Variants in PRKCH observed in about 807,000 individuals in gnomAD.
PRKCH encodes the protein protein kinase C eta, also known as protein kinase C eta type.
A neutral mutation model predicts 82.5 loss-of-function variants in PRKCH; 28 were observed. That is an observed-to-expected ratio of 0.34 (90% CI 0.25 to 0.47). The LOEUF (loss-of-function observed/expected upper bound fraction) is 0.47. PRKCH is among the 20% of genes least tolerant of loss of function. The pLI is 1.00. For synonymous variants in PRKCH, 322 were observed against 327.4 expected (o/e 0.98, Z 0.18); for missense variants, 705 against 881.8 (o/e 0.80, Z 2.54).
At chr14:61,276,143 A>C (rs2045199499) in intron 1 of PRKCH, among the ~76,000 whole-genome samples, 1 of 152,154 alleles carries the variant, frequency 6.6e-6, no homozygotes, top group Non-Finnish European at 1.5e-5. Flanking sequence ...AATGTACTTC[A>C]GGTTCATGAA....
rs75170890 is a variant in PRKCH, at chr14:61,445,067, C to G, written c.579-625C>G. Among the ~76,000 whole-genome samples the G allele has an allele frequency of 2.2e-3, 330 of 152,328 alleles. 6 individuals carry two copies. The highest frequency in any genetic ancestry group is 0.015 in the Admixed American group (233 of 15,296). On this transcript the variant is annotated intron_variant, in intron 3 of 13. Coordinates refer to ENST00000332981, the MANE Select transcript of PRKCH (RefSeq NM_006255.5). ...TGCTTGGTTCAGTGCCTGGCACATC[C>G]TATGGGCTTAGTTACTGTGGTCTTT...
chr14:61,417,814 A>G (rs888748460), intron 2 of PRKCH, among the ~76,000 whole-genome samples: 8 of 152,234 alleles, frequency 5.3e-5, no homozygotes, highest in Admixed American at 5.2e-4. Flanking sequence ...TTAACAGTCT[A>G]AATGAAAACA....
chr14:61,352,817 G>A (rs1259415028), intron 1 of PRKCH, among the ~76,000 whole-genome samples: 1 of 152,312 alleles, frequency 6.6e-6, no homozygotes, highest in East Asian at 1.9e-4. Context: ...TTTCTGAAAT[G>A]AGAATGATAA....
intron 1 of PRKCH, among the ~76,000 whole-genome samples, chr14:61,379,149 A>G (rs1051414529): frequency 1.3e-5 from 2 of 152,058 alleles, no homozygotes; most frequent in Non-Finnish European, 2.9e-5. Flanking sequence ...ACATTTGATC[A>G]TCTGTAACCC....
At chr14:61,199,420 G>A (rs537769552) in intron 1 of PRKCH, among the ~76,000 whole-genome samples, 2 of 152,328 alleles carry the variant, frequency 1.3e-5, no homozygotes, top group East Asian at 3.9e-4. Flanking sequence ...ATTCTAAAAT[G>A]AAGTGCCCTC....
intron 6 of PRKCH, 45 bp from the exon 7 acceptor site, chr14:61,453,181 T>C (rs373951011): frequency 1.2e-6 from 2 of 1,611,940 alleles, no homozygotes; most frequent in African/African-American, 2.7e-5. Flanking sequence ...ACATGTTGAA[T>C]TGGTTCCTTT....
intron 2 of PRKCH, among the ~76,000 whole-genome samples, chr14:61,408,800 G>A (rs567224241): frequency 1.3e-5 from 2 of 152,192 alleles, no homozygotes; most frequent in South Asian, 2.1e-4. Context: ...CCCCTTTCTC[G>A]GCCATTGCTT....
At chr14:61,378,436 C>CT (rs1446972634) in intron 1 of PRKCH, among the ~76,000 whole-genome samples, 1 of 151,922 alleles carries the variant, frequency 6.6e-6, no homozygotes, top group Non-Finnish European at 1.5e-5. Flanking sequence ...GGAGCTCTGG[C>CT]CTCAAGTGAT....
At chr14:61,294,543 G>C (rs942836754) in intron 1 of PRKCH, among the ~76,000 whole-genome samples, 1 of 151,738 alleles carries the variant, frequency 6.6e-6, no homozygotes, top group African/African-American at 2.4e-5. Flanking sequence ...CCAAGCATGT[G>C]ATCAATATAA....
chr14:61,266,446 A>C (rs1197411056), intron 1 of PRKCH, among the ~76,000 whole-genome samples: 1 of 150,882 alleles, frequency 6.6e-6, no homozygotes, highest in African/African-American at 2.4e-5. Context: ...TAAATACATA[A>C]ATAAAAATTA....
chr14:61,476,949 G>C (rs568722842), intron 9 of PRKCH, among the ~76,000 whole-genome samples: 14 of 152,200 alleles, frequency 9.2e-5, no homozygotes, highest in Non-Finnish European at 1.9e-4. Flanking sequence ...TTAAATTCAA[G>C]TTATTTCCAG....
intron 10 of PRKCH, among the ~76,000 whole-genome samples, chr14:61,492,624 G>A (rs967977879): frequency 6.6e-5 from 10 of 152,236 alleles, no homozygotes; most frequent in Admixed American, 6.5e-4. Flanking sequence ...CTCCATTGCA[G>A]TGAGAAAAAT....
intron 1 of PRKCH, among the ~76,000 whole-genome samples, chr14:61,381,415 C>G (rs1447506025): frequency 1.3e-5 from 2 of 152,320 alleles, no homozygotes; most frequent in East Asian, 3.9e-4. Flanking sequence ...ATCTGTAATA[C>G]CTCTTAGTAT....
chr14:61,205,742 A>G (rs745849106), intron 1 of PRKCH, among the ~76,000 whole-genome samples: 3 of 152,192 alleles, frequency 2.0e-5, no homozygotes, highest in Non-Finnish European at 4.4e-5. Flanking sequence ...CCCAGAGGCA[A>G]CAAGCTAACT....
chr14:61,207,778 AG>A (rs1158784315), intron 1 of PRKCH, among the ~76,000 whole-genome samples: 2 of 152,220 alleles, frequency 1.3e-5, no homozygotes, highest in Non-Finnish European at 2.9e-5. Context: ...GGTGAGATGA[AG>A]CTATTTGCTC....
intron 1 of PRKCH, among the ~76,000 whole-genome samples, chr14:61,258,444 T>A (rs944098512): frequency 6.6e-6 from 1 of 152,198 alleles, no homozygotes; most frequent in African/African-American, 2.4e-5. Flanking sequence ...CTTTTATTTT[T>A]TTCCCAGGCT....
Position 61,486,005 on chromosome 14 carries a change from T to A in PRKCH, c.1433+349T>A, listed in dbSNP as rs184081556. 4.9e-4 allele frequency among the ~76,000 whole-genome samples: 75 copies of A among 152,284 alleles called. No homozygotes were observed. The East Asian group carries it at 0.011, about 23-fold the overall frequency. Reference sequence around the variant, plus strand: ...CTTCACAAAGGTTCCAAGGATCCATTAGGATAAATTAATAACAGTAATAAA... The same window carrying A: ...CTTCACAAAGGTTCCAAGGATCCATAAGGATAAATTAATAACAGTAATAAA... On this transcript the variant is annotated intron_variant, in intron 10 of 13. Coordinates refer to ENST00000332981, the MANE Select transcript of PRKCH (RefSeq NM_006255.5).
rs1472808163 is a variant in PRKCH at position 61,485,384 on chromosome 14, T to A, written c.1279-118T>A. 32 of 1,314,506 alleles carry A rather than the reference T, an allele frequency of 2.4e-5. No homozygotes were observed. In the South Asian group the frequency reaches 4.2e-4, roughly 17 times the overall value. 81.4% of individuals were successfully genotyped at this position (1,314,506 alleles called of 1,614,324 possible). A position where few individuals can be genotyped will look rare whatever the true frequency, so the allele number is the denominator to read the frequency against. On this transcript the variant is annotated intron_variant, in intron 9 of 13. Coordinates refer to ENST00000332981, the MANE Select transcript of PRKCH (RefSeq NM_006255.5). ...CCTGACCCATGGTCAGGATGTTTCC[T>A]GGAATACATCCACTTGACAGTGTCC...
At chr14:61,374,674 T>C (rs2046407718) in intron 1 of PRKCH, among the ~76,000 whole-genome samples, 1 of 152,016 alleles carries the variant, frequency 6.6e-6, no homozygotes, top group Admixed American at 6.5e-5. Flanking sequence ...TAGCCATGGT[T>C]GAAGCTGGAG....
Sources: allele counts gnomAD v4.1 joint callset (sites outside exome capture counted in the v4.1 genomes callset), GRCh38; gene constraint gnomAD v4.1.1; transcripts MANE v1.5; gene names NCBI Gene and HGNC (gene_info 2026-07-23, HGNC 2026-07-21).